The following KLB variants were observed in gnomAD, a reference collection of about 807,000 sequenced individuals.
The protein encoded by KLB is klotho beta.
In KLB, 44 loss-of-function variants were observed where a neutral mutation model predicts 88.4. The observed-to-expected ratio is 0.50, with a 90% CI of 0.39 to 0.64. The LOEUF is 0.64. KLB is among the 30% of genes least tolerant of loss of function. The probability of loss-of-function intolerance (pLI) is 0.00; values close to 1 mark genes in which losing one functional copy is unlikely to be tolerated. For missense variants in KLB, 1,137 were observed against 1,304.8 expected (o/e 0.87, Z 1.98); for synonymous variants, 548 against 513.4 (o/e 1.07, Z -0.91).
At chr4:39,443,320 C>T (rs1432398932) in intron 3 of KLB, among the ~76,000 whole-genome samples, 5 of 150,760 alleles carry the variant, frequency 3.3e-5, no homozygotes, top group Non-Finnish European at 5.9e-5. Flanking sequence ...CCCAGGTGGT[C>T]GAGGATGCAG....
At chr4:39,431,547 G>T (rs566677160) in intron 1 of KLB, among the ~76,000 whole-genome samples, 1 of 152,134 alleles carries the variant, frequency 6.6e-6, no homozygotes, top group Non-Finnish European at 1.5e-5. Context: ...CACCATGCCC[G>T]GCCCGAGGAA....
Position 39,446,527 on chromosome 4 carries a change from C to T in KLB, c.1801C>T (p.Leu601=). ...RMKVTHYRFA[L]DWASVLPTGN... ...GAAAGTCACCCACTACCGGTTTGCT[C>T]TGGATTGGGCCTCGGTCCTTCCCAC... Residue 601 remains leucine (L), a synonymous_variant, in exon 4 of 5, where the codon CTG becomes TTG. Transcript: ENST00000257408. This position sits in a 1 kb window ranked among gnomAD's most constrained non-coding sequence, Gnocchi z 6.4. 3 of 1,614,252 alleles carry T rather than the reference C, an allele frequency of 1.9e-6. No individual in the cohort carries two copies. Among genetic ancestry groups the T allele is most frequent in the Non-Finnish European group, 2.5e-6 (3 of 1,180,038 alleles).
At chr4:39,409,491 A>G (rs1311647935) in intron 1 of KLB, among the ~76,000 whole-genome samples, 3 of 150,280 alleles carry the variant, frequency 2.0e-5, no homozygotes, top group East Asian at 2.0e-4. Context: ...GGGTTTCACT[A>G]TGTTGGCCAG....
chr4:39,431,533 G>A (rs1207781570), intron 1 of KLB, among the ~76,000 whole-genome samples: 1 of 152,212 alleles, frequency 6.6e-6, no homozygotes, highest in Admixed American at 6.5e-5. Context: ...TTACAGGCAT[G>A]AGCCACCATG....
At position 39,437,965 on chromosome 4, in the gene KLB, C is replaced by T. The variant is rs1441643879; in HGVS notation, c.1575C>T (p.Phe525=). Residue 525 remains phenylalanine, a synonymous_variant, in exon 3 of 5, where the codon TTC becomes TTT. Coordinates refer to ENST00000257408, the MANE Select transcript of KLB (RefSeq NM_175737.4). ...PDVQGQFPCD[F]SWGVTESVLK... Reference sequence around the variant, plus strand: ...TGCAGGGCCAGTTTCCCTGTGACTTCTCCTGGGGTGTCACTGAATCTGTTC... The same window carrying T: ...TGCAGGGCCAGTTTCCCTGTGACTTTTCCTGGGGTGTCACTGAATCTGTTC... The T allele has an allele frequency of 1.9e-6, 3 of 1,613,966 alleles. No individual in the cohort carries two copies. Among genetic ancestry groups the T allele is most frequent in the African/African-American group, 2.7e-5 (2 of 74,914 alleles).
chr4:39,417,058 A>G (rs1742979046), intron 1 of KLB, among the ~76,000 whole-genome samples: 2 of 151,754 alleles, frequency 1.3e-5, no homozygotes, highest in South Asian at 2.1e-4. Flanking sequence ...TAGAAGCAAA[A>G]TCTCCAAGGA....
At chr4:39,421,350 T>C (rs1433158223) in intron 1 of KLB, among the ~76,000 whole-genome samples, 1 of 150,410 alleles carries the variant, frequency 6.6e-6, no homozygotes, top group Non-Finnish European at 1.5e-5. Context: ...GTATATAACT[T>C]TGTGTAATGA....
intron 4 of KLB, among the ~76,000 whole-genome samples, chr4:39,447,825 T>C (rs2109847294): frequency 6.6e-6 from 1 of 152,294 alleles, no homozygotes; most frequent in East Asian, 1.9e-4. Context: ...TATAAATTTA[T>C]GGGATGCATG....
chr4:39,436,050 C>A (rs564446216), intron 2 of KLB, among the ~76,000 whole-genome samples: 1 of 152,316 alleles, frequency 6.6e-6, no homozygotes, highest in Non-Finnish European at 1.5e-5. Flanking sequence ...CTTAGCCCCT[C>A]ACTCCTTCTC....
intron 2 of KLB, 37 bp from the exon 3 acceptor site, chr4:39,437,690 G>A (rs570910675): frequency 1.3e-6 from 2 of 1,564,978 alleles, no homozygotes; most frequent in South Asian, 1.2e-5. Context: ...AGAATGTTTA[G>A]GCCTCTGAAC....
At chr4:39,443,051 T>A (rs1307290691) in intron 3 of KLB, among the ~76,000 whole-genome samples, 3 of 152,200 alleles carry the variant, frequency 2.0e-5, no homozygotes, top group African/African-American at 7.2e-5. Context: ...CCAGGCCAAC[T>A]GCTTGTAGAT....
chr4:39,414,848 A>T (rs891453487), intron 1 of KLB, among the ~76,000 whole-genome samples: 19 of 149,638 alleles, frequency 1.3e-4, no homozygotes, highest in Non-Finnish European at 1.8e-4. Context: ...TAGCCTGGGT[A>T]ACAGAGCAAG....
chr4:39,410,340 A>G (rs1742811590), intron 1 of KLB, among the ~76,000 whole-genome samples: 1 of 152,238 alleles, frequency 6.6e-6, no homozygotes, highest in Non-Finnish European at 1.5e-5. Flanking sequence ...CTTTAACACA[A>G]AATTAGCACT....
At chr4:39,412,338 C>T (rs1742871397) in intron 1 of KLB, among the ~76,000 whole-genome samples, 1 of 152,122 alleles carries the variant, frequency 6.6e-6, no homozygotes, top group Non-Finnish European at 1.5e-5. Context: ...CCTCATCTTA[C>T]AGTGTGATAT....
chr4:39,442,885 C>T (rs1253559997), intron 3 of KLB, among the ~76,000 whole-genome samples: 1 of 152,098 alleles, frequency 6.6e-6, no homozygotes, highest in African/African-American at 2.4e-5. Flanking sequence ...AAATACAATC[C>T]ATATTCAATT....
intron 3 of KLB, among the ~76,000 whole-genome samples, chr4:39,445,661 C>A (rs1435387190): frequency 6.7e-6 from 1 of 148,944 alleles, no homozygotes; most frequent in African/African-American, 2.4e-5. Flanking sequence ...TGCGCCTCCA[C>A]GCCTGGCTAA....
Position 39,448,308 on chromosome 4 carries a change from G to T in KLB, c.2757G>T (p.Leu919=), listed in dbSNP as rs773682386. ...KYLQEVLKAY[L]IDKVRIKGYY... is the part of the protein sequence containing the mutation. ...ATTTCTTATCTTTTTCAGCATACCT[G>T]ATTGATAAAGTCAGAATCAAAGGCT... is the stretch of plus-strand genomic sequence containing the variant. Residue 919 remains leucine (L), a synonymous_variant, in exon 5 of 5, where the codon CTG becomes CTT. Transcript: ENST00000257408. 1 of 1,584,730 alleles carries T rather than the reference G, an allele frequency of 6.3e-7. No homozygotes were observed. Among genetic ancestry groups the T allele is most frequent in the South Asian group, 1.1e-5 (1 of 87,110 alleles).
At chr4:39,419,123 T>C (rs193039281) in intron 1 of KLB, among the ~76,000 whole-genome samples, 1 of 151,906 alleles carries the variant, frequency 6.6e-6, no homozygotes, top group Non-Finnish European at 1.5e-5. Flanking sequence ...AAAAAAAAAC[T>C]TTTTCAACTA....
rs1255293985 is a variant in KLB at position 39,434,205 on chromosome 4, T to C, written c.826-5T>C. ...ACAAAGATCAATAATATTTTCTTCT[T>C]TTAGGCTCACTCGAAAGTTTGGCAT... On this transcript the variant is annotated splice_region_variant and splice_polypyrimidine_tract_variant and intron_variant, in intron 1 of 4. Coordinates refer to ENST00000257408, the MANE Select transcript of KLB (RefSeq NM_175737.4). 11 of 1,597,036 alleles carry C rather than the reference T, an allele frequency of 6.9e-6. No individual in the cohort carries two copies. In the East Asian group the frequency reaches 2.5e-4, roughly 36 times the overall value.
Sources: allele counts gnomAD v4.1 joint callset (sites outside exome capture counted in the v4.1 genomes callset), GRCh38; gene constraint gnomAD v4.1.1; non-coding constraint Gnocchi (gnomAD v3.1); transcripts MANE v1.5; gene names NCBI Gene and HGNC (gene_info 2026-07-23, HGNC 2026-07-21).